Variants in TJP1 observed in about 807,000 individuals in gnomAD.
The protein encoded by TJP1 is tight junction protein 1, also known as tight junction protein ZO-1.
A neutral mutation model predicts 194.2 loss-of-function variants in TJP1; 43 were observed. The observed-to-expected ratio is 0.22, with a 90% CI of 0.17 to 0.29. The LOEUF (loss-of-function observed/expected upper bound fraction) is 0.29. Among genes scored for constraint, TJP1 ranks in the 10% least tolerant of loss-of-function variants. The probability of loss-of-function intolerance (pLI) is 1.00; values close to 1 mark genes in which losing one functional copy is unlikely to be tolerated. For synonymous variants in TJP1, 801 were observed against 779.0 expected (o/e 1.03, Z -0.47); for missense variants, 1,971 against 2,185.7 (o/e 0.90, Z 1.96).
chr15:29,861,301 C>A (rs867669609), intron 2 of TJP1, among the ~76,000 whole-genome samples: 1 of 152,180 alleles, frequency 6.6e-6, no homozygotes, highest in African/African-American at 2.4e-5. Context: ...ACATTCTTGC[C>A]AGCACTTACT....
chr15:29,790,834 T>C (rs898654964), intron 2 of TJP1, among the ~76,000 whole-genome samples: 3 of 151,908 alleles, frequency 2.0e-5, no homozygotes, highest in African/African-American at 7.3e-5. Flanking sequence ...TTTAACGTAA[T>C]GTCCTCCAGT....
Position 29,822,272 on chromosome 15 carries a change from GGCCACCCACTCGGCC to G in TJP1, c.-259_-245del, listed in dbSNP as rs1169441697. ...CCGACCGGCACCTCCCTCCGAGCGC[GGCCACCCACTCGGCC>G]TCCCGCAGCTTTCGCAGCCCGGCCA... On this transcript the variant is annotated 5_prime_UTR_variant, in exon 1 of 28. Coordinates refer to ENST00000614355, the MANE Select transcript of TJP1 (RefSeq NM_001330239.4). 6 of 1,156,370 alleles carry G rather than the reference GGCCACCCACTCGGCC, an allele frequency of 5.2e-6. No individual in the cohort carries two copies. The East Asian group carries it at 2.3e-4, about 45-fold the overall frequency. 71.6% of individuals were successfully genotyped at this position (1,156,370 alleles called of 1,614,324 possible). A position where few individuals can be genotyped will look rare whatever the true frequency, so the allele number is the denominator to read the frequency against.
At position 29,822,207 on chromosome 15, in the gene TJP1, G is replaced by A. The variant is rs2050438833; in HGVS notation, c.-179C>T. The A allele has an allele frequency of 3.4e-6, 4 of 1,178,806 alleles. No individual in the cohort carries two copies. Among genetic ancestry groups the A allele is most frequent in the Non-Finnish European group, 4.2e-6 (4 of 953,764 alleles). The allele number at this position is 1,178,806 out of a possible 1,614,324, so 73.0% of individuals were successfully genotyped here. A position where few individuals can be genotyped will look rare whatever the true frequency, so the allele number is the denominator to read the frequency against. On this transcript the variant is annotated 5_prime_UTR_variant, in exon 1 of 28. Coordinates refer to ENST00000614355, the MANE Select transcript of TJP1 (RefSeq NM_001330239.4). Reference sequence around the variant, plus strand: ...GAATTCAACTCGGACAAAAGTCCGGGAAGCGCCCGCCCCGCCCGGGTCTTC... The same window carrying A: ...GAATTCAACTCGGACAAAAGTCCGGAAAGCGCCCGCCCCGCCCGGGTCTTC...
intron 5 of TJP1, among the ~76,000 whole-genome samples, chr15:29,765,850 C>T (rs2046297545): frequency 1.3e-5 from 2 of 152,164 alleles, no homozygotes; most frequent in Admixed American, 1.3e-4. Flanking sequence ...TGAGATTGTG[C>T]CACTGCACTC....
At chr15:29,732,954 T>C (rs889238333) in intron 13 of TJP1, 139 bp from the exon 14 acceptor site, 5 of 1,257,484 alleles carry the variant, frequency 4.0e-6, no homozygotes, top group Middle Eastern at 2.1e-4. Flanking sequence ...AAAGAGGAGT[T>C]TGTAAACCTA....
At chr15:29,820,464 T>C (rs1298584817) in intron 1 of TJP1, 1 of 712,518 alleles carries the variant, frequency 1.4e-6, no homozygotes, top group South Asian at 1.5e-5. Flanking sequence ...ATTTAACGAG[T>C]GATGCTTTTC....
chr15:29,802,682 C>G (rs1007327800), intron 1 of TJP1, among the ~76,000 whole-genome samples: 7 of 151,954 alleles, frequency 4.6e-5, no homozygotes, highest in Non-Finnish European at 1.0e-4. Flanking sequence ...AACAGTCCCA[C>G]TAACATACAC....
chr15:29,722,408 G>A (rs2042984179), intron 18 of TJP1, among the ~76,000 whole-genome samples: 1 of 152,222 alleles, frequency 6.6e-6, no homozygotes, highest in Non-Finnish European at 1.5e-5. Context: ...TGTTGCTTCA[G>A]AGGGTGCAAG....
At chr15:29,790,320 C>T (rs1262800110) in intron 2 of TJP1, among the ~76,000 whole-genome samples, 1 of 152,148 alleles carries the variant, frequency 6.6e-6, no homozygotes, top group Non-Finnish European at 1.5e-5. Context: ...AGAATGAAGT[C>T]AATTAAGTTA....
chr15:29,912,287 T>C (rs935129239), intron 2 of TJP1, among the ~76,000 whole-genome samples: 5 of 152,216 alleles, frequency 3.3e-5, no homozygotes, highest in Non-Finnish European at 7.3e-5. Flanking sequence ...TTTCAACATA[T>C]GAATTTTTAA....
At chr15:29,955,349 A>G (rs1473502226) in intron 2 of TJP1, among the ~76,000 whole-genome samples, 3 of 152,208 alleles carry the variant, frequency 2.0e-5, no homozygotes, top group South Asian at 2.1e-4. Flanking sequence ...TTTTTACAGC[A>G]AAGAAAATTC....
chr15:29,730,398 T>C (rs2151229848), intron 15 of TJP1, among the ~76,000 whole-genome samples: 1 of 152,018 alleles, frequency 6.6e-6, no homozygotes, highest in South Asian at 2.1e-4. Context: ...CTGGACAACC[T>C]AGTGAGACCC....
At chr15:29,908,800 C>T (rs962476865) in intron 2 of TJP1, among the ~76,000 whole-genome samples, 5 of 152,122 alleles carry the variant, frequency 3.3e-5, no homozygotes, top group African/African-American at 1.2e-4. Flanking sequence ...GGGCAGAACA[C>T]CTGAGGTCAG....
At chr15:29,946,309 T>C (rs1350053187) in intron 2 of TJP1, among the ~76,000 whole-genome samples, 1 of 152,194 alleles carries the variant, frequency 6.6e-6, no homozygotes, top group African/African-American at 2.4e-5. Context: ...CGTGGCTGAT[T>C]TGGGCAGGAG....
Position 29,742,741 on chromosome 15 carries a change from C to G in TJP1, c.1051G>C (p.Ala351Pro). Residue 351 changes from alanine to proline, a missense_variant, in exon 9 of 28, where the codon GCT becomes CCT. Around this residue, in one of 5 missense-constraint regions of TJP1, gnomAD observed 192 missense variants for 182.3 expected, o/e 1.05. Transcript: ENST00000614355. The part of the protein sequence containing the change: ...RDEERISKPG[A>P]VSTPVKHADD... ...GCATGCTTTACAGGAGTTGAGACAG[C>G]CCCAGGTTTAGAAATTCTCTCTTCA... 1.9e-6 allele frequency: 3 copies of G among 1,604,902 alleles called. No individual in the cohort carries two copies. The highest frequency in any genetic ancestry group is 2.6e-6 in the Non-Finnish European group (3 of 1,176,272).
intron 1 of TJP1, among the ~76,000 whole-genome samples, chr15:29,801,381 A>G (rs1213798708): frequency 1.3e-5 from 2 of 152,192 alleles, no homozygotes; most frequent in Non-Finnish European, 2.9e-5. Flanking sequence ...AAGAGCTCCA[A>G]TACAGGTCCT....
chr15:29,763,784 A>AAT (rs34197154), intron 5 of TJP1, among the ~76,000 whole-genome samples: 1 of 151,520 alleles, frequency 6.6e-6, no homozygotes, highest in African/African-American at 2.4e-5. Flanking sequence ...AAAAAAAAAA[A>AAT]TTACATCAGA....
chr15:29,869,804 T>A (rs1283090301), intron 2 of TJP1, among the ~76,000 whole-genome samples: 1 of 121,924 alleles, frequency 8.2e-6, no homozygotes, highest in East Asian at 2.4e-4. Context: ...TCTTTTTTTT[T>A]TTTTTTTTTT....
At position 29,710,997 on chromosome 15, in the gene TJP1, TC is replaced by T; in HGVS notation, c.4205del (p.Gly1402GlufsTer68). The stretch of plus-strand genomic sequence containing the variant: ...CCACACCATCAGCTTCAGGAGGCTT[TC>T]CCCTGTTAACAAATGAAGAAAATGC... ...QSNFSSYSSK[G>X]KPPEADGVDR... On this transcript the variant is annotated frameshift_variant and splice_region_variant, in exon 24 of 28. Transcript: ENST00000614355. LOFTEE classifies it high-confidence loss of function. 1 of 1,585,652 alleles carries T rather than the reference TC, an allele frequency of 6.3e-7. No homozygotes were observed. The highest frequency in any genetic ancestry group is 8.6e-7 in the Non-Finnish European group (1 of 1,163,686).
Sources: allele counts gnomAD v4.1 joint callset (sites outside exome capture counted in the v4.1 genomes callset), GRCh38; gene constraint gnomAD v4.1.1; regional missense constraint gnomAD v4.1.1; transcripts MANE v1.5; gene names NCBI Gene and HGNC (gene_info 2026-07-23, HGNC 2026-07-21).